Variants in DPP6 observed in about 807,000 individuals in gnomAD.
The protein encoded by DPP6 is A-type potassium channel modulatory protein DPP6.
DPP6 carries 69 observed loss-of-function variants against 122.6 expected under a neutral mutation model. The observed-to-expected ratio is 0.56, with a 90% CI of 0.46 to 0.69. The LOEUF is 0.69. DPP6 is among the 30% of genes least tolerant of loss of function. DPP6 has a pLI of 0.00. For missense variants in DPP6, 928 were observed against 1,116.9 expected, an observed-to-expected ratio of 0.83 and a Z score of 2.41; for synonymous variants, 418 against 433.1, an observed-to-expected ratio of 0.97 and a Z score of 0.43.
In DPP6 at chr7:154,883,566, A is replaced by T. The variant is rs1020751653; in HGVS notation, c.2134-2067A>T. 3.4e-4 allele frequency: 27 copies of T among 79,018 alleles called. 3 individuals carry two copies. The highest frequency in any genetic ancestry group is 1.3e-3 in the African/African-American group (27 of 20,408). The allele number at this position is 79,018 out of a possible 1,614,324, so 4.9% of individuals were successfully genotyped here. On this transcript the variant is annotated intron_variant, in intron 21 of 25. Transcript: ENST00000377770. ...TTCACACACACCTGCTCACACATAC[A>T]CATACATGCTCACCCATACACCTGC... is the stretch of plus-strand genomic sequence containing the variant.
chr7:154,328,479 C>T (rs945371684), intron 1 of DPP6, among the ~76,000 whole-genome samples: 13 of 152,118 alleles, frequency 8.5e-5, no homozygotes, highest in African/African-American at 2.7e-4. Context: ...AATGAGGGGA[C>T]AGACAGGGAT....
intron 1 of DPP6, among the ~76,000 whole-genome samples, chr7:153,912,839 G>A (rs913287735): frequency 2.0e-5 from 3 of 152,078 alleles, no homozygotes; most frequent in African/African-American, 7.2e-5. Context: ...AATCTCTTTG[G>A]CCTCCTCATT....
intron 1 of DPP6, among the ~76,000 whole-genome samples, chr7:154,141,018 G>A (rs1465039999): frequency 2.0e-5 from 3 of 151,988 alleles, no homozygotes; most frequent in Non-Finnish European, 2.9e-5. Context: ...TGTCCTTGTC[G>A]ACTGTCTTTG....
At chr7:154,553,774 G>A (rs1046311244) in intron 4 of DPP6, among the ~76,000 whole-genome samples, 1 of 151,966 alleles carries the variant, frequency 6.6e-6, no homozygotes, top group African/African-American at 2.4e-5. Flanking sequence ...GGAAGCCACC[G>A]CTTCAAACAC....
intron 1 of DPP6, among the ~76,000 whole-genome samples, chr7:153,894,254 T>A (rs751914189): frequency 2.0e-5 from 3 of 152,246 alleles, no homozygotes; most frequent in Admixed American, 6.5e-5. Flanking sequence ...CAGATCATTT[T>A]AAAATTTTCT....
At chr7:153,985,249 G>T (rs1484384572) in intron 1 of DPP6, among the ~76,000 whole-genome samples, 1 of 152,190 alleles carries the variant, frequency 6.6e-6, no homozygotes, top group Non-Finnish European at 1.5e-5. Context: ...CACTTTGAAG[G>T]GGTACAGAAA....
intron 4 of DPP6, among the ~76,000 whole-genome samples, chr7:154,564,371 T>C (rs1830609597): frequency 6.6e-6 from 1 of 152,050 alleles, no homozygotes; most frequent in African/African-American, 2.4e-5. Context: ...AATGTATCCA[T>C]AAGCAGGGAA....
At chr7:154,250,842 G>T (rs1396293294) in intron 1 of DPP6, among the ~76,000 whole-genome samples, 1 of 152,176 alleles carries the variant, frequency 6.6e-6, no homozygotes, top group Non-Finnish European at 1.5e-5. Flanking sequence ...GTTGCCTGGA[G>T]GCACATAGGC....
intron 1 of DPP6, among the ~76,000 whole-genome samples, chr7:154,091,526 C>T (rs1804839556): frequency 6.6e-6 from 1 of 152,140 alleles, no homozygotes. Flanking sequence ...AGAGAGCCTG[C>T]TGTGTTAGTT....
At position 154,793,422 on chromosome 7, in the gene DPP6, G is replaced by A. The variant is rs903531002; in HGVS notation, c.1137-657G>A. 2.0e-5 allele frequency among the ~76,000 whole-genome samples: 3 copies of A among 152,186 alleles called. No individual in the cohort carries two copies. The East Asian group carries it at 5.8e-4, about 29-fold the overall frequency. On this transcript the variant is annotated intron_variant, in intron 10 of 25. Coordinates refer to ENST00000377770, the MANE Select transcript of DPP6 (RefSeq NM_130797.4). Reference sequence around the variant, plus strand: ...CCCGGTACCCCTCGGGCTAAGTAGAGAGCCGCACAGAGCCTGTGGTAGTTT... The same window carrying A: ...CCCGGTACCCCTCGGGCTAAGTAGAAAGCCGCACAGAGCCTGTGGTAGTTT...
the DPP6 span, among the ~76,000 whole-genome samples, chr7:153,762,279 G>A: frequency 6.6e-6 from 1 of 152,164 alleles, no homozygotes; most frequent in African/African-American, 2.4e-5. Context: ...ATGGTCAAAA[G>A]CCTGAGAAAT....
At chr7:154,108,834 G>A (rs572398206) in intron 1 of DPP6, among the ~76,000 whole-genome samples, 47 of 152,256 alleles carry the variant, frequency 3.1e-4, no homozygotes, top group African/African-American at 1.1e-3. Context: ...CCTGGGCCTC[G>A]GCTAAATCCT....
chr7:154,256,998 C>CT (rs66710949), intron 1 of DPP6, among the ~76,000 whole-genome samples: 4,690 of 132,770 alleles, frequency 0.035, 229 homozygotes, highest in African/African-American at 0.092. Context: ...TCTTCTTCTT[C>CT]TTTTTTTTTT....
At chr7:154,868,212 T>C in intron 18 of DPP6, 119 bp downstream of exon 18, 3 of 1,319,332 alleles carry the variant, frequency 2.3e-6, no homozygotes, top group Non-Finnish European at 3.1e-6. Context: ...CGGGGGTGTA[T>C]CTTTGCCCCT....
intron 1 of DPP6, among the ~76,000 whole-genome samples, chr7:154,219,940 G>A (rs1283043197): frequency 6.6e-6 from 1 of 152,208 alleles, no homozygotes; most frequent in African/African-American, 2.4e-5. Flanking sequence ...TTGTGATTCT[G>A]TGATTCTGCC....
chr7:154,384,656 AAAAAATG>A (rs1379338292), intron 1 of DPP6, among the ~76,000 whole-genome samples: 2 of 152,180 alleles, frequency 1.3e-5, no homozygotes, highest in African/African-American at 2.4e-5. Flanking sequence ...TTTATTTCCA[AAAAAATG>A]GAAAGCTCTA....
chr7:153,900,021 T>G (rs1799575776), intron 1 of DPP6, among the ~76,000 whole-genome samples: 1 of 152,222 alleles, frequency 6.6e-6, no homozygotes, highest in Non-Finnish European at 1.5e-5. Flanking sequence ...GATGTGACGC[T>G]GGACCTGCGT....
chr7:154,151,038 C>A (rs1483281115), intron 1 of DPP6, among the ~76,000 whole-genome samples: 2 of 152,204 alleles, frequency 1.3e-5, no homozygotes, highest in Non-Finnish European at 2.9e-5. Flanking sequence ...TCATCTAACC[C>A]CTAGATTCCT....
chr7:154,363,129 G>A (rs2879059), intron 1 of DPP6, among the ~76,000 whole-genome samples: 13,465 of 152,216 alleles, frequency 0.088, 757 homozygotes, highest in African/African-American at 0.15. Flanking sequence ...AGTGGCTACA[G>A]TGGCAGCCAG....
Sources: gnomAD v4.1 joint callset for allele counts (sites outside exome capture counted in the v4.1 genomes callset) on GRCh38, gnomAD v4.1.1 for gene constraint, MANE v1.5 for transcripts, NCBI Gene and HGNC (gene_info 2026-07-23, HGNC 2026-07-21) for gene names.